The following FAM227A variants were observed in gnomAD, a reference collection of about 807,000 sequenced individuals.
FAM227A encodes family with sequence similarity 227 member A.
Under a neutral mutation model 74.7 loss-of-function variants are expected in FAM227A, and 80 were observed. The ratio of observed to expected loss-of-function variants is 1.07; its 90% CI spans 0.89 to 1.29. FAM227A has a LOEUF of 1.29. FAM227A is among the 50% of genes most tolerant of loss of function. The pLI is 0.00. For synonymous variants in FAM227A, 237 were observed against 241.8 expected (o/e 0.98, Z 0.19); for missense variants, 654 against 683.4 (o/e 0.96, Z 0.48).
At chr22:38,633,959 C>T (rs2091957521) in intron 6 of FAM227A, among the ~76,000 whole-genome samples, 1 of 152,052 alleles carries the variant, frequency 6.6e-6, no homozygotes, top group Non-Finnish European at 1.5e-5. Context: ...TGGCTCACAC[C>T]TGTGATCCCA....
At chr22:38,608,580 G>A (rs960015388) in intron 11 of FAM227A, among the ~76,000 whole-genome samples, 8 of 151,600 alleles carry the variant, frequency 5.3e-5, no homozygotes, top group East Asian at 1.9e-4. Flanking sequence ...ACAGGTGTCC[G>A]CCACCACGCC....
chr22:38,654,571 T>G (rs2092363717), intron 1 of FAM227A, among the ~76,000 whole-genome samples: 1 of 151,742 alleles, frequency 6.6e-6, no homozygotes, highest in Admixed American at 6.6e-5. Context: ...ATCCCAATAC[T>G]TTGGGAGGTG....
rs924415839 is a variant in FAM227A, at chr22:38,596,289, C to A, written c.1532+915G>T. On this transcript the variant is annotated intron_variant, in intron 15 of 16. Transcript: ENST00000535113. Reference sequence around the variant, plus strand: ...TGAGCCAAGATCACACCACTGCACTCCAGCCTAGGCAACAGAGTGAGACTC... The same window carrying A: ...TGAGCCAAGATCACACCACTGCACTACAGCCTAGGCAACAGAGTGAGACTC... 1.3e-5 allele frequency among the ~76,000 whole-genome samples: 2 copies of A among 152,156 alleles called. 1 individual carries two copies. Among genetic ancestry groups the A allele is most frequent in the Admixed American group, 1.3e-4 (2 of 15,276 alleles).
At chr22:38,598,457 T>C (rs925398704) in intron 14 of FAM227A, among the ~76,000 whole-genome samples, 16 of 152,206 alleles carry the variant, frequency 1.1e-4, no homozygotes, top group African/African-American at 3.9e-4. Context: ...TACACTAAAC[T>C]GTCTTTAGAG....
chr22:38,615,367 A>G (rs1461619498), intron 11 of FAM227A, among the ~76,000 whole-genome samples: 1 of 152,184 alleles, frequency 6.6e-6, no homozygotes, highest in Non-Finnish European at 1.5e-5. Context: ...TAAACAACAC[A>G]TCAACCCAAC....
At chr22:38,605,556 C>T (rs536432147) in intron 12 of FAM227A, among the ~76,000 whole-genome samples, 25 of 152,296 alleles carry the variant, frequency 1.6e-4, no homozygotes, top group African/African-American at 5.5e-4. Context: ...TCCCACAGTG[C>T]TGAGATTACA....
chr22:38,594,471 G>A (rs886446385), intron 15 of FAM227A, among the ~76,000 whole-genome samples: 4 of 152,196 alleles, frequency 2.6e-5, no homozygotes, highest in African/African-American at 7.2e-5. Context: ...ATAATATGTT[G>A]TGACCATCTT....
Position 38,580,138 on chromosome 22 carries a change from C to G in FAM227A, c.*5987G>C, listed in dbSNP as rs1314149590. On this transcript the variant is annotated 3_prime_UTR_variant, in exon 17 of 17. Transcript: ENST00000535113. ...GTCTCACTATGTTACCCGGTTTGGT[C>G]TCACCTCCTGGGCTCTAGGGGTTCT... 4 of 152,232 alleles carry G rather than the reference C, an allele frequency of 2.6e-5. No homozygotes were observed. Among genetic ancestry groups the G allele is most frequent in the Admixed American group, 2.6e-4 (4 of 15,284 alleles). The allele number at this position is 152,232 out of a possible 1,614,324, so 9.4% of individuals were successfully genotyped here. A position where few individuals can be genotyped will look rare whatever the true frequency, so the allele number is the denominator to read the frequency against.
chr22:38,587,611 G>C (rs1242383841), intron 16 of FAM227A, among the ~76,000 whole-genome samples: 1 of 152,124 alleles, frequency 6.6e-6, no homozygotes, highest in Non-Finnish European at 1.5e-5. Flanking sequence ...AAAGAAAAGT[G>C]AAAGACTACA....
At chr22:38,645,511 G>T in intron 3 of FAM227A, 52 bp downstream of exon 3, 2 of 1,251,634 alleles carry the variant, frequency 1.6e-6, no homozygotes, top group East Asian at 2.5e-5. Flanking sequence ...GATGATCCCC[G>T]GGGCCCTTCC....
chr22:38,582,719 AAGG>A lies in FAM227A; in HGVS notation c.*3403_*3405del. On this transcript the variant is annotated 3_prime_UTR_variant, in exon 17 of 17. Coordinates refer to ENST00000535113, the MANE Select transcript of FAM227A (RefSeq NM_001013647.2). ...GCAGTTTGTCCTGGGCTTAGAAAATAAGGAGACCTTCTTGCTGTATGGGGGCTA... is the reference window on the plus strand; with the variant it reads ...GCAGTTTGTCCTGGGCTTAGAAAATAAGACCTTCTTGCTGTATGGGGGCTA... 1 of 1,145,730 alleles carries A rather than the reference AAGG, an allele frequency of 8.7e-7. No homozygotes were observed. The highest frequency in any genetic ancestry group is 1.2e-6 in the Non-Finnish European group (1 of 808,454). 71.0% of individuals were successfully genotyped at this position (1,145,730 alleles called of 1,614,324 possible). A position where few individuals can be genotyped will look rare whatever the true frequency, so the allele number is the denominator to read the frequency against.
At chr22:38,644,124 C>T (rs1037555897) in intron 3 of FAM227A, among the ~76,000 whole-genome samples, 4 of 120,276 alleles carry the variant, frequency 3.3e-5, no homozygotes, top group African/African-American at 1.3e-4. Flanking sequence ...CCAGCCTGGA[C>T]GAGAGTGTGA....
chr22:38,615,578 C>G (rs1266815621), intron 11 of FAM227A, among the ~76,000 whole-genome samples: 1 of 152,184 alleles, frequency 6.6e-6, no homozygotes, highest in East Asian at 1.9e-4. Context: ...CAGGCATAGA[C>G]CTGGCACGTC....
At chr22:38,634,606 A>G (rs1216993080) in intron 6 of FAM227A, among the ~76,000 whole-genome samples, 1 of 152,224 alleles carries the variant, frequency 6.6e-6, no homozygotes, top group Non-Finnish European at 1.5e-5. Context: ...TTAACCACCC[A>G]GATGTACTGC....
chr22:38,595,520 G>A (rs2091025079), intron 15 of FAM227A, among the ~76,000 whole-genome samples: 1 of 152,212 alleles, frequency 6.6e-6, no homozygotes. Context: ...AACCTTAAAT[G>A]TAATAGTTAA....
Position 38,578,382 on chromosome 22 carries a change from T to C in FAM227A, c.*7743A>G, listed in dbSNP as rs999192311. 1 of 152,224 alleles carries C rather than the reference T, an allele frequency of 6.6e-6. No individual in the cohort carries two copies. Among genetic ancestry groups the C allele is most frequent in the Non-Finnish European group, 1.5e-5 (1 of 68,052 alleles). The allele number at this position is 152,224 out of a possible 1,614,324, so 9.4% of individuals were successfully genotyped here. A position where few individuals can be genotyped will look rare whatever the true frequency, so the allele number is the denominator to read the frequency against. ...CGTGGTGCATGACTGTGTGTATGTA[T>C]ACACACACATACATGTATATTTAAT... On this transcript the variant is annotated 3_prime_UTR_variant, in exon 17 of 17. Transcript: ENST00000535113.
At chr22:38,622,808 G>A (rs1406703651) in intron 10 of FAM227A, among the ~76,000 whole-genome samples, 1 of 146,388 alleles carries the variant, frequency 6.8e-6, no homozygotes, top group African/African-American at 2.6e-5. Flanking sequence ...TCCGGGAGGT[G>A]GAGGTTGCAG....
At chr22:38,627,840 G>A (rs1031383080) in intron 8 of FAM227A, among the ~76,000 whole-genome samples, 1 of 152,046 alleles carries the variant, frequency 6.6e-6, no homozygotes, top group African/African-American at 2.4e-5. Flanking sequence ...CTGACCTCAG[G>A]TGATCCGCCC....
rs1257104032 is a variant in FAM227A, at chr22:38,578,293, T to C, written c.*7832A>G. ...TCGCTAGGTGATAGGAATTGTTTAG[T>C]TCCATTATAATCTTATGGGACCACC... On this transcript the variant is annotated 3_prime_UTR_variant, in exon 17 of 17. Transcript: ENST00000535113. The C allele has an allele frequency of 6.6e-6, 1 of 152,142 alleles. No homozygotes were observed. 9.4% of individuals were successfully genotyped at this position (152,142 alleles called of 1,614,324 possible).
Sources: gnomAD v4.1 joint callset for allele counts (sites outside exome capture counted in the v4.1 genomes callset) on GRCh38, gnomAD v4.1.1 for gene constraint, MANE v1.5 for transcripts, NCBI Gene and HGNC (gene_info 2026-07-23, HGNC 2026-07-21) for gene names.